Variants in MYO3B observed in about 807,000 individuals in gnomAD.
MYO3B encodes myosin-IIIb.
MYO3B carries 156 observed loss-of-function variants against 174.6 expected under a neutral mutation model. The observed-to-expected ratio is 0.89, with a 90% confidence interval of 0.78 to 1.02. The LOEUF (loss-of-function observed/expected upper bound fraction) is 1.02, where lower values mean the gene tolerates loss of function less well. Ranked by LOEUF, MYO3B falls within the 50% of genes least tolerant of loss-of-function variation. The pLI, the probability that MYO3B is intolerant of heterozygous loss-of-function variation, is 0.00. For synonymous variants in MYO3B, 563 were observed against 569.1 expected (o/e 0.99, Z 0.15); for missense variants, 1,632 against 1,639.4 (o/e 1.00, Z 0.08).
At chr2:170,213,789 T>C (rs2092798580) in intron 3 of MYO3B, among the ~76,000 whole-genome samples, 1 of 152,222 alleles carries the variant, frequency 6.6e-6, no homozygotes, top group South Asian at 2.1e-4. Context: ...AAATTGAACA[T>C]TAAAAAGTTA....
chr2:170,588,314 C>CT (rs967995765), intron 32 of MYO3B, among the ~76,000 whole-genome samples: 2 of 152,058 alleles, frequency 1.3e-5, no homozygotes, highest in Non-Finnish European at 2.9e-5. Flanking sequence ...TGGCACATAC[C>CT]TGTAGTCCTA....
intron 14 of MYO3B, 41 bp downstream of exon 14, chr2:170,387,349 A>G (rs2094384043): frequency 6.3e-7 from 1 of 1,579,842 alleles, no homozygotes; most frequent in Non-Finnish European, 8.7e-7. Context: ...GCCCTGCAGT[A>G]AAAACTGGGA....
chr2:170,476,882 G>A (rs1685350439), intron 25 of MYO3B, among the ~76,000 whole-genome samples: 1 of 151,998 alleles, frequency 6.6e-6, no homozygotes, highest in Admixed American at 6.6e-5. Flanking sequence ...ATAAGCACTG[G>A]GTTGGGGGTT....
At chr2:170,598,479 C>T (rs1443700371) in intron 32 of MYO3B, among the ~76,000 whole-genome samples, 1 of 152,172 alleles carries the variant, frequency 6.6e-6, no homozygotes, top group African/African-American at 2.4e-5. Context: ...GCAACTTTTC[C>T]TTTTTGAATC....
chr2:170,310,509 A>G (rs1466901840), intron 7 of MYO3B, among the ~76,000 whole-genome samples: 2 of 151,848 alleles, frequency 1.3e-5, no homozygotes, highest in Non-Finnish European at 2.9e-5. Flanking sequence ...CTAAAAATAC[A>G]AAAAATTAGC....
chr2:170,420,346 G>C (rs778315051), intron 22 of MYO3B, among the ~76,000 whole-genome samples: 2 of 152,158 alleles, frequency 1.3e-5, no homozygotes, highest in Non-Finnish European at 2.9e-5. Flanking sequence ...GAGTCCACAT[G>C]GGTGAGGGAA....
intron 32 of MYO3B, among the ~76,000 whole-genome samples, chr2:170,615,650 C>T (rs141237504): frequency 1.6e-4 from 25 of 152,224 alleles, no homozygotes; most frequent in African/African-American, 5.5e-4. Context: ...GGAATCTGGA[C>T]GCAGATTAGT....
At chr2:170,202,606 G>A (rs2092674102) in intron 3 of MYO3B, among the ~76,000 whole-genome samples, 1 of 152,144 alleles carries the variant, frequency 6.6e-6, no homozygotes, top group South Asian at 2.1e-4. Flanking sequence ...TTCACCATGT[G>A]CAGCTGCTCC....
At chr2:170,340,800 G>A (rs879313474) in intron 8 of MYO3B, 7 of 152,194 alleles carry the variant, frequency 4.6e-5, no homozygotes, top group Non-Finnish European at 5.9e-5. Context: ...GGTGGGAGAA[G>A]GTCAGAGGGA....
In MYO3B at chr2:170,444,017, C is replaced by T. The variant is rs2094821860; in HGVS notation, c.2701C>T (p.Pro901Ser). 2 of 1,613,234 alleles carry T rather than the reference C, an allele frequency of 1.2e-6. No individual in the cohort carries two copies. Among genetic ancestry groups the T allele is most frequent in the East Asian group, 2.2e-5 (1 of 44,866 alleles). Reference protein sequence around the residue: ...ARITVASSSLPPHFSAGKAKV... With the variant: ...ARITVASSSLSPHFSAGKAKV... ...GATAACAGTGGCCTCAAGTTCTTTG[C>T]CTCCACATTTCAGTGCTGGGAAAGC... The change falls in exon 23 of 35, where the codon CCT becomes TCT. Residue 901 changes from proline to serine, a missense_variant. By Grantham distance (74) the Pro-to-Ser change is moderately conservative (BLOSUM62 -1). Coordinates refer to ENST00000408978, the MANE Select transcript of MYO3B (RefSeq NM_138995.5).
At chr2:170,199,412 A>C in intron 2 of MYO3B, 21 bp downstream of exon 2, 1 of 1,553,668 alleles carries the variant, frequency 6.4e-7, no homozygotes, top group Middle Eastern at 1.7e-4. Context: ...GTTGTAAATT[A>C]TAACCAGAAT....
At chr2:170,580,456 G>A (rs530388287) in intron 32 of MYO3B, among the ~76,000 whole-genome samples, 5 of 152,250 alleles carry the variant, frequency 3.3e-5, no homozygotes, top group Admixed American at 3.3e-4. Context: ...TGGCCAACAT[G>A]GCAAAACCCC....
intron 32 of MYO3B, among the ~76,000 whole-genome samples, chr2:170,560,793 C>G (rs909981044): frequency 1.3e-5 from 2 of 152,294 alleles, no homozygotes; most frequent in South Asian, 2.1e-4. Context: ...ATGGAAAGAG[C>G]TCTAGATTTG....
intron 26 of MYO3B, among the ~76,000 whole-genome samples, chr2:170,499,381 G>A (rs1222062844): frequency 6.6e-6 from 1 of 152,092 alleles, no homozygotes; most frequent in Non-Finnish European, 1.5e-5. Context: ...ACTCCTGACT[G>A]ACATGAGACA....
chr2:170,521,518 C>T (rs1279612597), intron 30 of MYO3B, among the ~76,000 whole-genome samples: 1 of 152,172 alleles, frequency 6.6e-6, no homozygotes, highest in South Asian at 2.1e-4. Context: ...CTGAGCTCTT[C>T]CACCGCCCTT....
rs761063795 is a variant in MYO3B, at chr2:170,369,260, C to T, written c.854C>T (p.Thr285Ile). ...IKDFERRPSV[T>I]HLLDHPFIKG... ...GATTTTGAAAGGCGACCTTCCGTCA[C>T]ACATCTCCTTGACCACCCATTTATT... is the stretch of plus-strand genomic sequence containing the variant. The change falls in exon 9 of 35, where the codon ACA (threonine) becomes ATA (isoleucine). Residue 285 changes from threonine to isoleucine, a missense_variant. By Grantham distance (89) the Thr-to-Ile change is moderately conservative (BLOSUM62 -1). Transcript: ENST00000408978. 6.2e-7 allele frequency: 1 copy of T among 1,613,594 alleles called. No individual in the cohort carries two copies. The highest frequency in any genetic ancestry group is 8.5e-7 in the Non-Finnish European group (1 of 1,179,658).
intron 28 of MYO3B, among the ~76,000 whole-genome samples, chr2:170,512,977 G>C (rs911570267): frequency 2.6e-5 from 4 of 152,268 alleles, no homozygotes; most frequent in South Asian, 2.1e-4. Flanking sequence ...CATTAAATGA[G>C]TTAATGTTTG....
chr2:170,408,910 T>G (rs537178518), intron 22 of MYO3B, among the ~76,000 whole-genome samples: 1 of 152,278 alleles, frequency 6.6e-6, no homozygotes, highest in South Asian at 2.1e-4. Flanking sequence ...ATTCCAGACC[T>G]TCCTTGGAGC....
intron 8 of MYO3B, among the ~76,000 whole-genome samples, chr2:170,364,145 C>G (rs2094181434): frequency 1.3e-5 from 2 of 152,118 alleles, no homozygotes; most frequent in Non-Finnish European, 1.5e-5. Flanking sequence ...GAGTTGAGGA[C>G]TCTGGTGTCC....
Sources: gnomAD v4.1 joint callset for allele counts (sites outside exome capture counted in the v4.1 genomes callset) on GRCh38, gnomAD v4.1.1 for gene constraint, MANE v1.5 for transcripts, NCBI Gene and HGNC (gene_info 2026-07-23, HGNC 2026-07-21) for gene names.